Variants in TAFA5 observed in about 807,000 individuals in gnomAD.
The protein encoded by TAFA5 is TAFA chemokine like family member 5.
TAFA5 carries 6 observed loss-of-function variants against 15.3 expected under a neutral mutation model. The observed-to-expected ratio is 0.39, with a 90% CI of 0.21 to 0.77. TAFA5 has a LOEUF of 0.77. Ranked by LOEUF, TAFA5 falls within the 30% of genes least tolerant of loss-of-function variation. The probability of loss-of-function intolerance (pLI) is 0.41; values close to 1 mark genes in which losing one functional copy is unlikely to be tolerated. For missense variants in TAFA5, 161 were observed against 193.1 expected, an observed-to-expected ratio of 0.83 and a Z score of 0.98; for synonymous variants, 103 against 80.7, an observed-to-expected ratio of 1.28 and a Z score of -1.48.
chr22:48,565,960 CTGGGTGGA>C (rs764081336), intron 1 of TAFA5, among the ~76,000 whole-genome samples: 5 of 151,498 alleles, frequency 3.3e-5, no homozygotes, highest in Non-Finnish European at 5.9e-5. Flanking sequence ...AGATGTGCAG[CTGGGTGGA>C]TGGGTGGATG....
intron 1 of TAFA5, among the ~76,000 whole-genome samples, chr22:48,614,172 C>A (rs1420911834): frequency 6.6e-6 from 1 of 152,200 alleles, no homozygotes; most frequent in Non-Finnish European, 1.5e-5. Context: ...GGCGCCCTCT[C>A]CTGAAGGGCC....
chr22:48,653,248 G>A (rs1927118746), intron 2 of TAFA5, among the ~76,000 whole-genome samples: 1 of 152,232 alleles, frequency 6.6e-6, no homozygotes. Context: ...TCCAGATGGG[G>A]TTGGAGATGC....
At chr22:48,732,759 A>G (rs971714019) in intron 3 of TAFA5, among the ~76,000 whole-genome samples, 14 of 152,236 alleles carry the variant, frequency 9.2e-5, no homozygotes, top group Admixed American at 9.2e-4. Flanking sequence ...GAACTCTTTC[A>G]TGAAAGGAGA....
At chr22:48,734,496 C>CA (rs1929953251) in intron 3 of TAFA5, among the ~76,000 whole-genome samples, 1 of 152,074 alleles carries the variant, frequency 6.6e-6, no homozygotes, top group Non-Finnish European at 1.5e-5. Context: ...CTGGTGTAGA[C>CA]ACGTGTGTGA....
At chr22:48,671,802 C>T (rs1293734184) in intron 2 of TAFA5, among the ~76,000 whole-genome samples, 1 of 152,186 alleles carries the variant, frequency 6.6e-6, no homozygotes, top group Non-Finnish European at 1.5e-5. Flanking sequence ...TCAACTGTGA[C>T]TCAGAAATCA....
intron 1 of TAFA5, among the ~76,000 whole-genome samples, chr22:48,499,923 G>T (rs374814137): frequency 6.6e-6 from 1 of 152,162 alleles, no homozygotes; most frequent in Non-Finnish European, 1.5e-5. Context: ...ACACACACCC[G>T]TGAGTCTGCC....
chr22:48,707,250 G>A (rs1367969197), intron 2 of TAFA5, among the ~76,000 whole-genome samples: 1 of 152,144 alleles, frequency 6.6e-6, no homozygotes, highest in Non-Finnish European at 1.5e-5. Context: ...TCTCCAGCCT[G>A]GCCTCACTCT....
chr22:48,563,812 C>T (rs915960685), intron 1 of TAFA5, among the ~76,000 whole-genome samples: 8 of 152,228 alleles, frequency 5.3e-5, no homozygotes, highest in African/African-American at 1.4e-4. Flanking sequence ...GTGGCAGCGT[C>T]GACTCCACCC....
intron 1 of TAFA5, among the ~76,000 whole-genome samples, chr22:48,613,398 C>T (rs1010202150): frequency 1.3e-5 from 2 of 152,176 alleles, no homozygotes; most frequent in African/African-American, 4.8e-5. Flanking sequence ...TCATCCAGCC[C>T]ACTGTGGATG....
chr22:48,731,100 T>C (rs1379310885), intron 3 of TAFA5, among the ~76,000 whole-genome samples: 2 of 152,128 alleles, frequency 1.3e-5, no homozygotes, highest in Non-Finnish European at 2.9e-5. Context: ...GGATAGAAAG[T>C]TTTAATGGTC....
chr22:48,602,049 G>C lies in TAFA5; in HGVS notation c.113-44548G>C, dbSNP rs546880381. On this transcript the variant is annotated intron_variant, in intron 1 of 3. Transcript: ENST00000402357. ...GTTAAGCCCTCAGAGGTCTGTGGCT[G>C]GCACCAGCCTTCATCAAGGGCAACT... is the stretch of plus-strand genomic sequence containing the variant. Among the ~76,000 whole-genome samples the C allele has an allele frequency of 7.1e-4, 108 of 152,272 alleles. No homozygotes were observed. In the Middle Eastern group the frequency reaches 0.014, roughly 19 times the overall value.
At position 48,707,854 on chromosome 22, in the gene TAFA5, C is replaced by A; in HGVS notation, c.390+10C>A. ...GATAAAGACCACCACGGTATGTGGC[C>A]CTCGGCTTTCTCGTGGGTGTGCTGG... is the stretch of plus-strand genomic sequence containing the variant. On this transcript the variant is annotated intron_variant, in intron 3 of 3. Transcript: ENST00000402357. 1 of 1,610,426 alleles carries A rather than the reference C, an allele frequency of 6.2e-7. No individual in the cohort carries two copies. The highest frequency in any genetic ancestry group is 1.1e-5 in the South Asian group (1 of 90,822).
chr22:48,539,278 G>A, intron 1 of TAFA5: 1 of 449,916 alleles, frequency 2.2e-6, no homozygotes, highest in Non-Finnish European at 4.7e-6. Context: ...TGGCCAGAAA[G>A]ACCCTGGCGG....
intron 1 of TAFA5, among the ~76,000 whole-genome samples, chr22:48,517,809 C>T (rs764903496): frequency 9.2e-5 from 14 of 152,194 alleles, no homozygotes; most frequent in Non-Finnish European, 1.8e-4. Flanking sequence ...CTCCCCTGCC[C>T]CCTCTGTTGG....
chr22:48,569,947 C>T (rs965848364), intron 1 of TAFA5, among the ~76,000 whole-genome samples: 5 of 152,232 alleles, frequency 3.3e-5, no homozygotes, highest in Non-Finnish European at 5.9e-5. Context: ...ATGTCCTGGC[C>T]GCCAGTGCCC....
At chr22:48,595,789 G>C (rs1335670143) in intron 1 of TAFA5, among the ~76,000 whole-genome samples, 2 of 152,262 alleles carry the variant, frequency 1.3e-5, no homozygotes, top group Non-Finnish European at 2.9e-5. Context: ...TTTAAGAACT[G>C]AGATTGTCTC....
At chr22:48,557,186 CAT>C (rs1923070863) in intron 1 of TAFA5, among the ~76,000 whole-genome samples, 3 of 152,182 alleles carry the variant, frequency 2.0e-5, no homozygotes, top group African/African-American at 7.2e-5. Flanking sequence ...CTCCTCAGAA[CAT>C]GACTGTACTT....
chr22:48,665,176 T>A (rs1192195712), intron 2 of TAFA5, among the ~76,000 whole-genome samples: 1 of 152,192 alleles, frequency 6.6e-6, no homozygotes, highest in Non-Finnish European at 1.5e-5. Flanking sequence ...ATCCTGGGCA[T>A]GACTCTACAG....
intron 1 of TAFA5, among the ~76,000 whole-genome samples, chr22:48,612,770 C>A (rs912658065): frequency 6.6e-6 from 1 of 152,204 alleles, no homozygotes; most frequent in African/African-American, 2.4e-5. Context: ...CCATGGGGGT[C>A]TCTCCTGATG....
Sources: allele counts gnomAD v4.1 joint callset (sites outside exome capture counted in the v4.1 genomes callset), GRCh38; gene constraint gnomAD v4.1.1; transcripts MANE v1.5; gene names NCBI Gene and HGNC (gene_info 2026-07-23, HGNC 2026-07-21).